The following FANCB variants were observed in gnomAD, a reference collection of about 807,000 sequenced individuals.
FANCB encodes Fanconi anemia group B protein.
Under a neutral mutation model 38.9 loss-of-function variants are expected in FANCB, and 5 were observed. That is an observed-to-expected ratio of 0.13 (90% CI 0.07 to 0.27). The LOEUF is 0.27. Ranked by LOEUF, FANCB falls within the 10% of genes least tolerant of loss-of-function variation. The pLI is 1.00. For missense variants in FANCB, 573 were observed against 602.7 expected, an observed-to-expected ratio of 0.95 and a Z score of 0.52; for synonymous variants, 236 against 215.4, an observed-to-expected ratio of 1.10 and a Z score of -0.84.
chrX:14,701,903 G>C, the FANCB span, among the ~76,000 whole-genome samples: 2 of 111,992 alleles, frequency 1.8e-5, no homozygotes, highest in Non-Finnish European at 3.8e-5. Flanking sequence ...GTTTACTGGG[G>C]TAGACAGGCT....
the FANCB span, among the ~76,000 whole-genome samples, chrX:14,825,188 TTTC>T: frequency 8.9e-6 from 1 of 112,347 alleles, no homozygotes; most frequent in South Asian, 3.6e-4. Flanking sequence ...GTGCGTGTGC[TTTC>T]TTCTTTTTTT....
At chrX:14,708,401 C>A in the FANCB span, among the ~76,000 whole-genome samples, 2 of 111,404 alleles carry the variant, frequency 1.8e-5, no homozygotes, top group Admixed American at 1.9e-4. Flanking sequence ...TAGGAGGGGT[C>A]ATTTGGTTGC....
chrX:14,835,600 C>A (rs1292708276), downstream of FANCB, among the ~76,000 whole-genome samples: 2 of 111,731 alleles, frequency 1.8e-5, no homozygotes, highest in African/African-American at 6.5e-5. Flanking sequence ...CTAATAAATT[C>A]TCAGATGTTA....
chrX:14,824,956 CTT>C, the FANCB span, among the ~76,000 whole-genome samples: 1 of 112,036 alleles, frequency 8.9e-6, no homozygotes, highest in African/African-American at 3.2e-5. Context: ...CTGAAAATGT[CTT>C]TATCGTTTCC....
the FANCB span, among the ~76,000 whole-genome samples, chrX:14,697,877 C>T: frequency 9.0e-6 from 1 of 111,561 alleles, no homozygotes. Context: ...GATATAAATC[C>T]GTTTTAACTA....
chrX:14,737,663 T>G, the FANCB span, among the ~76,000 whole-genome samples: 1 of 112,440 alleles, frequency 8.9e-6, no homozygotes, highest in South Asian at 3.7e-4. Context: ...TAACACATAT[T>G]AAATTCTCAA....
the FANCB span, among the ~76,000 whole-genome samples, chrX:14,828,914 G>T: frequency 0.014 from 1,541 of 111,006 alleles, 25 homozygotes; most frequent in African/African-American, 0.041. Context: ...TCCCTATGTT[G>T]CCCAGGCTGG....
intron 2 of FANCB, among the ~76,000 whole-genome samples, chrX:14,868,653 T>C (rs1031300724): frequency 1.8e-5 from 2 of 111,123 alleles, no homozygotes; most frequent in Non-Finnish European, 3.8e-5. Flanking sequence ...ATAAGAGGAA[T>C]ATGTTCTAGT....
At chrX:14,754,377 G>A in the FANCB span, among the ~76,000 whole-genome samples, 2 of 112,297 alleles carry the variant, frequency 1.8e-5, no homozygotes, top group African/African-American at 6.5e-5. Context: ...AACAAGTAAC[G>A]AGACTGAATG....
chrX:14,857,580 T>C (rs902496544), intron 5 of FANCB, among the ~76,000 whole-genome samples: 31 of 111,892 alleles, frequency 2.8e-4, no homozygotes, highest in Non-Finnish European at 5.1e-4. Flanking sequence ...GGTATACTGA[T>C]CCCAGAAAGA....
At chrX:14,817,159 G>A in the FANCB span, among the ~76,000 whole-genome samples, 1 of 111,192 alleles carries the variant, frequency 9.0e-6, no homozygotes, top group Non-Finnish European at 1.9e-5. Context: ...TGACTTGTCT[G>A]AGAAACTCGG....
the FANCB span, among the ~76,000 whole-genome samples, chrX:14,807,988 GAC>G: frequency 1.8e-5 from 2 of 111,444 alleles, no homozygotes; most frequent in African/African-American, 6.5e-5. Context: ...CAAATTCCTA[GAC>G]ACATACAACC....
chrX:14,778,926 C>A, the FANCB span, among the ~76,000 whole-genome samples: 1 of 112,316 alleles, frequency 8.9e-6, no homozygotes, highest in African/African-American at 3.2e-5. Flanking sequence ...TGGTCTATAA[C>A]CTGTGACTTT....
the FANCB span, among the ~76,000 whole-genome samples, chrX:14,803,325 G>T: frequency 6.2e-5 from 7 of 112,187 alleles, no homozygotes; most frequent in South Asian, 3.7e-4. Context: ...CAAAGGGAAT[G>T]ATTTTTATTA....
the FANCB span, among the ~76,000 whole-genome samples, chrX:14,765,739 G>A: frequency 8.9e-6 from 1 of 112,086 alleles, no homozygotes; most frequent in African/African-American, 3.2e-5. Flanking sequence ...AGTGATGTCT[G>A]CTGTAAACAG....
chrX:14,797,638 C>T, the FANCB span, among the ~76,000 whole-genome samples: 1 of 105,960 alleles, frequency 9.4e-6, no homozygotes, highest in Admixed American at 1.0e-4. Context: ...GCCAAGACCG[C>T]ACCCCTGTAC....
intron 6 of FANCB, among the ~76,000 whole-genome samples, chrX:14,851,739 T>C (rs2092402612): frequency 8.9e-6 from 1 of 112,268 alleles, no homozygotes; most frequent in Non-Finnish European, 1.9e-5. Flanking sequence ...ATTGGCAAAA[T>C]CATTGAGGTG....
At chrX:14,808,237 A>G in the FANCB span, among the ~76,000 whole-genome samples, 1 of 112,040 alleles carries the variant, frequency 8.9e-6, no homozygotes, top group African/African-American at 3.2e-5. Flanking sequence ...CCCTGATACC[A>G]AAACCAGAAA....
chrX:14,862,938 A>G (rs1163303154), intron 3 of FANCB, among the ~76,000 whole-genome samples: 1 of 112,040 alleles, frequency 8.9e-6, no homozygotes, highest in East Asian at 2.8e-4. Context: ...TTCCCCTACC[A>G]TTTCTTTAAA....
Sources: allele counts gnomAD v4.1 joint callset (sites outside exome capture counted in the v4.1 genomes callset), GRCh38; gene constraint gnomAD v4.1.1; transcripts MANE v1.5; gene names NCBI Gene and HGNC (gene_info 2026-07-23, HGNC 2026-07-21).